Variants in SOX12 observed in about 807,000 individuals in gnomAD.
The protein encoded by SOX12 is SRY-box transcription factor 12, also known as transcription factor SOX-12.
A neutral mutation model predicts 21.5 loss-of-function variants in SOX12; 8 were observed. The ratio of observed to expected loss-of-function variants is 0.37; its 90% CI spans 0.22 to 0.67. SOX12 has a LOEUF of 0.67. SOX12 is among the 30% of genes least tolerant of loss of function. The pLI is 0.56. For synonymous variants in SOX12, 235 were observed against 224.2 expected, an observed-to-expected ratio of 1.05 and a Z score of -0.43; for missense variants, 400 against 482.6, an observed-to-expected ratio of 0.83 and a Z score of 1.60.
rs1201645576 is a variant in SOX12 at position 328,565 on chromosome 20, CAATG to C, written c.*1696_*1699del. On this transcript the variant is annotated 3_prime_UTR_variant, in exon 1 of 1. Coordinates refer to ENST00000342665, the MANE Select transcript of SOX12 (RefSeq NM_006943.4). ...GAAAAACAACAACAACAAAAAAAGA[CAATG>C]AAAAAAAAAACGTCATGTGAGTGAA... The C allele has an allele frequency of 4.5e-4, 63 of 139,648 alleles. No individual in the cohort carries two copies. The highest frequency in any genetic ancestry group is 7.8e-4 in the Non-Finnish European group (48 of 61,276). 8.7% of individuals were successfully genotyped at this position (139,648 alleles called of 1,614,324 possible).
In SOX12 at chr20:330,065, A is replaced by G. The variant is rs537365845; in HGVS notation, c.*3193A>G. 1 of 167,192 alleles carries G rather than the reference A, an allele frequency of 6.0e-6. No homozygotes were observed. Among genetic ancestry groups the G allele is most frequent in the African/African-American group, 2.4e-5 (1 of 41,558 alleles). 10.4% of individuals were successfully genotyped at this position (167,192 alleles called of 1,614,324 possible). ...AAACACCTGGTCATTTCAATCCAAC[A>G]TGGGACGGACACTGACAGACAGTAC... On this transcript the variant is annotated 3_prime_UTR_variant, in exon 1 of 1. Coordinates refer to ENST00000342665, the MANE Select transcript of SOX12 (RefSeq NM_006943.4).
chr20:326,756 C>G lies in SOX12; in HGVS notation c.832C>G (p.Pro278Ala), dbSNP rs777743090. 1.2e-6 allele frequency: 2 copies of G among 1,612,906 alleles called. No homozygotes were observed. Among genetic ancestry groups the G allele is most frequent in the Admixed American group, 1.7e-5 (1 of 59,910 alleles). The change falls in exon 1 of 1, where the codon CCT becomes GCT. Residue 278 changes from proline to alanine, a missense_variant. By Grantham distance (27) the Pro-to-Ala change is conservative. Coordinates refer to ENST00000342665, the MANE Select transcript of SOX12 (RefSeq NM_006943.4). The surrounding 1 kb of genome is among the most constrained non-coding windows in gnomAD (Gnocchi z 9.9). ...CCTGGATCGCGACCCGGACCTGCAG[C>G]CTCCCTCGGGCACGTCGCACTTCGA... Reference protein sequence around the residue: ...SALDRDPDLQPPSGTSHFEFP... With the variant: ...SALDRDPDLQAPSGTSHFEFP...
chr20:325,954 G>GCGGGACGGCGGGCCGCCGCCCCCGGGACC lies in SOX12; in HGVS notation c.35_63dup (p.Pro22ThrfsTer33). The GCGGGACGGCGGGCCGCCGCCCCCGGGACC allele has an allele frequency of 7.4e-7, 1 of 1,343,986 alleles. No individual in the cohort carries two copies. Among genetic ancestry groups the GCGGGACGGCGGGCCGCCGCCCCCGGGACC allele is most frequent in the Non-Finnish European group, 9.5e-7 (1 of 1,048,264 alleles). 83.3% of individuals were successfully genotyped at this position (1,343,986 alleles called of 1,614,324 possible). ...TGCAGCAGCGGGGCGCGAGGGCCAA[G>GCGGGACGGCGGGCCGCCGCCCCCGGGACC]CGGGACGGCGGGCCGCCGCCCCCGG... On this transcript the variant is annotated frameshift_variant, in exon 1 of 1. Coordinates refer to ENST00000342665, the MANE Select transcript of SOX12 (RefSeq NM_006943.4). LOFTEE classifies it high-confidence loss of function. This position sits in a 1 kb window ranked among gnomAD's most constrained non-coding sequence, Gnocchi z 5.0.
In SOX12 at chr20:329,163, T is replaced by C. The variant is rs879705160; in HGVS notation, c.*2291T>C. On this transcript the variant is annotated 3_prime_UTR_variant, in exon 1 of 1. Transcript: ENST00000342665. ...GCAGGTCTGGTCCGAGGGGGCTGGC[T>C]TGGCCATGCCTTTCTGTGCCTTTAA... 4.2e-5 allele frequency: 7 copies of C among 167,136 alleles called. No homozygotes were observed. Among genetic ancestry groups the C allele is most frequent in the Non-Finnish European group, 1.0e-4 (7 of 68,132 alleles). 10.4% of individuals were successfully genotyped at this position (167,136 alleles called of 1,614,324 possible). A position where few individuals can be genotyped will look rare whatever the true frequency, so the allele number is the denominator to read the frequency against.
rs1267213757 is a variant in SOX12, at chr20:327,039, G to A, written c.*167G>A. 6.6e-6 allele frequency: 4 copies of A among 601,674 alleles called. No individual in the cohort carries two copies. In the African/African-American group the frequency reaches 1.2e-4, roughly 19 times the overall value. 37.3% of individuals were successfully genotyped at this position (601,674 alleles called of 1,614,324 possible). A position where few individuals can be genotyped will look rare whatever the true frequency, so the allele number is the denominator to read the frequency against. On this transcript the variant is annotated 3_prime_UTR_variant, in exon 1 of 1. Coordinates refer to ENST00000342665, the MANE Select transcript of SOX12 (RefSeq NM_006943.4). ...GATCCAGACATGCCCCTCCCCCGCA[G>A]ACACACCCCAAGGCAGCCCAACCCC...
At position 327,875 on chromosome 20, in the gene SOX12, C is replaced by T. The variant is rs1470058678; in HGVS notation, c.*1003C>T. 4 of 167,274 alleles carry T rather than the reference C, an allele frequency of 2.4e-5. No homozygotes were observed. The highest frequency in any genetic ancestry group is 5.9e-5 in the Non-Finnish European group (4 of 68,290). The allele number at this position is 167,274 out of a possible 1,614,324, so 10.4% of individuals were successfully genotyped here. ...CACCCCCTCCTGGGAAGTGCCCCCT[C>T]ACCTCAGGGCACCCGCAACCTGGGC... On this transcript the variant is annotated 3_prime_UTR_variant, in exon 1 of 1. Coordinates refer to ENST00000342665, the MANE Select transcript of SOX12 (RefSeq NM_006943.4).
In SOX12 at chr20:328,076, C is replaced by T. The variant is rs577980038; in HGVS notation, c.*1204C>T. The T allele has an allele frequency of 6.0e-6, 1 of 167,242 alleles. No homozygotes were observed. Among genetic ancestry groups the T allele is most frequent in the Admixed American group, 6.5e-5 (1 of 15,310 alleles). 10.4% of individuals were successfully genotyped at this position (167,242 alleles called of 1,614,324 possible). ...TTTTAAACATCTGGTTTGGGAGAGA[C>T]CATCGACTTGGCCAGTGAGACTGAG... is the stretch of plus-strand genomic sequence containing the variant. On this transcript the variant is annotated 3_prime_UTR_variant, in exon 1 of 1. Transcript: ENST00000342665.
chr20:327,238 ATC>A lies in SOX12; in HGVS notation c.*371_*372del. ...GACCCGCCCCCTCCTTTGCTCCGGAATCTCTCCTCCCTCGCCCGGCCCGCCTT... is the reference window on the plus strand; with the variant it reads ...GACCCGCCCCCTCCTTTGCTCCGGAATCTCCTCCCTCGCCCGGCCCGCCTT... On this transcript the variant is annotated 3_prime_UTR_variant, in exon 1 of 1. Coordinates refer to ENST00000342665, the MANE Select transcript of SOX12 (RefSeq NM_006943.4). 4.1e-6 allele frequency: 1 copy of A among 241,632 alleles called. No homozygotes were observed. The highest frequency in any genetic ancestry group is 4.8e-5 in the South Asian group (1 of 20,722). 15.0% of individuals were successfully genotyped at this position (241,632 alleles called of 1,614,324 possible). A position where few individuals can be genotyped will look rare whatever the true frequency, so the allele number is the denominator to read the frequency against.
Position 329,853 on chromosome 20 carries a change from TAAG to T in SOX12, c.*2983_*2985del, listed in dbSNP as rs2013164247. On this transcript the variant is annotated 3_prime_UTR_variant, in exon 1 of 1. Transcript: ENST00000342665. The stretch of plus-strand genomic sequence containing the variant: ...TCTGGTTGAAAGCAAGCTGGCGAAG[TAAG>T]AGGAGGTAGAGTTGAGAAGGTGTGG... The T allele has an allele frequency of 1.8e-5, 3 of 167,014 alleles. No individual in the cohort carries two copies. The highest frequency in any genetic ancestry group is 2.4e-5 in the African/African-American group (1 of 41,420). 10.3% of individuals were successfully genotyped at this position (167,014 alleles called of 1,614,324 possible). A position where few individuals can be genotyped will look rare whatever the true frequency, so the allele number is the denominator to read the frequency against.
At position 329,097 on chromosome 20, in the gene SOX12, T is replaced by C. The variant is rs1010975584; in HGVS notation, c.*2225T>C. 1.2e-5 allele frequency: 2 copies of C among 165,846 alleles called. No individual in the cohort carries two copies. Among genetic ancestry groups the C allele is most frequent in the African/African-American group, 2.5e-5 (1 of 40,558 alleles). 10.3% of individuals were successfully genotyped at this position (165,846 alleles called of 1,614,324 possible). ...CATCTTAATTTCAAAATGAGACTCATATTTTAAAATTTCTGTGGGCCAAAT... is the reference window on the plus strand; with the variant it reads ...CATCTTAATTTCAAAATGAGACTCACATTTTAAAATTTCTGTGGGCCAAAT... On this transcript the variant is annotated 3_prime_UTR_variant, in exon 1 of 1. Coordinates refer to ENST00000342665, the MANE Select transcript of SOX12 (RefSeq NM_006943.4).
chr20:325,862 C>T lies in SOX12; in HGVS notation c.-63C>T. ...TCCGTCGCCGCTGCCTCCTCCCCCA[C>T]CCCCAGCCGCGGAGGATGCGGACGG... On this transcript the variant is annotated 5_prime_UTR_variant, in exon 1 of 1. Coordinates refer to ENST00000342665, the MANE Select transcript of SOX12 (RefSeq NM_006943.4). This position sits in a 1 kb window ranked among gnomAD's most constrained non-coding sequence, Gnocchi z 5.0. The T allele has an allele frequency of 1.0e-6, 1 of 988,844 alleles. No homozygotes were observed. Among genetic ancestry groups the T allele is most frequent in the Non-Finnish European group, 1.2e-6 (1 of 821,254 alleles). 61.3% of individuals were successfully genotyped at this position (988,844 alleles called of 1,614,324 possible). A position where few individuals can be genotyped will look rare whatever the true frequency, so the allele number is the denominator to read the frequency against.
Position 327,149 on chromosome 20 carries a change from C to A in SOX12, c.*277C>A. 1.9e-6 allele frequency: 1 copy of A among 523,616 alleles called. No individual in the cohort carries two copies. The highest frequency in any genetic ancestry group is 2.0e-5 in the South Asian group (1 of 48,796). 32.4% of individuals were successfully genotyped at this position (523,616 alleles called of 1,614,324 possible). A position where few individuals can be genotyped will look rare whatever the true frequency, so the allele number is the denominator to read the frequency against. On this transcript the variant is annotated 3_prime_UTR_variant, in exon 1 of 1. Coordinates refer to ENST00000342665, the MANE Select transcript of SOX12 (RefSeq NM_006943.4). ...CAGCCAGCCCCCTCCGATACACCTC[C>A]CGTCCTCTCCTACAGACCTGCACCC...
Position 326,230 on chromosome 20 carries a change from G to A in SOX12, c.306G>A (p.Ala102=). Residue 102 remains alanine, a synonymous_variant, in exon 1 of 1, where the codon GCG becomes GCA. Coordinates refer to ENST00000342665, the MANE Select transcript of SOX12 (RefSeq NM_006943.4). This position sits in a 1 kb window ranked among gnomAD's most constrained non-coding sequence, Gnocchi z 9.9. The part of the protein sequence containing the change: ...EAERLRLKHM[A]DYPDYKYRPR... Reference sequence around the variant, plus strand: ...AGCGGCTGCGGCTCAAGCACATGGCGGATTACCCGGACTACAAGTACCGGC... The same window carrying A: ...AGCGGCTGCGGCTCAAGCACATGGCAGATTACCCGGACTACAAGTACCGGC... 6.3e-7 allele frequency: 1 copy of A among 1,582,344 alleles called. No individual in the cohort carries two copies.
chr20:326,557 G>GGCCGCC lies in SOX12; in HGVS notation c.646_651dup (p.Ala216_Ala217dup), dbSNP rs374987024. 2,082 of 1,515,682 alleles carry GGCCGCC rather than the reference G, an allele frequency of 1.4e-3. 1 individual carries two copies. The highest frequency in any genetic ancestry group is 1.7e-3 in the Non-Finnish European group (1,940 of 1,138,010). 93.9% of individuals were successfully genotyped at this position (1,515,682 alleles called of 1,614,324 possible). A position where few individuals can be genotyped will look rare whatever the true frequency, so the allele number is the denominator to read the frequency against. Reference sequence around the variant, plus strand: ...CCCAAGGGCCGTCGGGCGAGGGGGCGGCCGCCGCCGCCGCCGCCTCCCCGA... The same window carrying GGCCGCC: ...CCCAAGGGCCGTCGGGCGAGGGGGCGGCCGCCGCCGCCGCCGCCGCCGCCTCCCCGA... On this transcript the variant is annotated inframe_insertion, in exon 1 of 1. Transcript: ENST00000342665. This position sits in a 1 kb window ranked among gnomAD's most constrained non-coding sequence, Gnocchi z 9.9.
chr20:327,835 C>T lies in SOX12; in HGVS notation c.*963C>T, dbSNP rs2013129238. On this transcript the variant is annotated 3_prime_UTR_variant, in exon 1 of 1. Coordinates refer to ENST00000342665, the MANE Select transcript of SOX12 (RefSeq NM_006943.4). ...ACCAGTCTGTCTGGGGACAGGATCCCTGCTGCACCTTCCCCACCCCCTCCT... is the reference window on the plus strand; with the variant it reads ...ACCAGTCTGTCTGGGGACAGGATCCTTGCTGCACCTTCCCCACCCCCTCCT... 6.0e-6 allele frequency: 1 copy of T among 167,216 alleles called. No homozygotes were observed. Among genetic ancestry groups the T allele is most frequent in the Non-Finnish European group, 1.5e-5 (1 of 68,240 alleles). 10.4% of individuals were successfully genotyped at this position (167,216 alleles called of 1,614,324 possible). A position where few individuals can be genotyped will look rare whatever the true frequency, so the allele number is the denominator to read the frequency against.
In SOX12 at chr20:327,549, A is replaced by G. The variant is rs1047507; in HGVS notation, c.*677A>G. 0.13 allele frequency: 20,908 copies of G among 167,106 alleles called. 2,536 individuals are homozygous for G. The highest frequency in any genetic ancestry group is 0.33 in the African/African-American group (13,745 of 41,424). The allele number at this position is 167,106 out of a possible 1,614,324, so 10.4% of individuals were successfully genotyped here. A position where few individuals can be genotyped will look rare whatever the true frequency, so the allele number is the denominator to read the frequency against. ...GAGCCCTAGGTTTCCTCTCCAGCCA[A>G]CGGGGCGTCGCTGCCTTAATGGGAG... On this transcript the variant is annotated 3_prime_UTR_variant, in exon 1 of 1. Transcript: ENST00000342665.
At position 326,089 on chromosome 20, in the gene SOX12, G is replaced by A. The variant is rs73071018; in HGVS notation, c.165G>A (p.Arg55=). The A allele has an allele frequency of 0.021, 33,589 of 1,602,326 alleles. 449 individuals carry two copies. Among genetic ancestry groups the A allele is most frequent in the Non-Finnish European group, 0.024 (28,371 of 1,174,940 alleles). ...NAFMVWSQHE[R]RKIMDQWPDM... ...TCATGGTGTGGTCGCAGCACGAACG[G>A]CGGAAGATCATGGACCAGTGGCCCG... The change falls in exon 1 of 1, where the codon CGG becomes CGA. Residue 55 remains arginine (R), a synonymous_variant. Coordinates refer to ENST00000342665, the MANE Select transcript of SOX12 (RefSeq NM_006943.4). This position sits in a 1 kb window ranked among gnomAD's most constrained non-coding sequence, Gnocchi z 9.9.
In SOX12 at chr20:327,065, C is replaced by A; in HGVS notation, c.*193C>A. On this transcript the variant is annotated 3_prime_UTR_variant, in exon 1 of 1. Transcript: ENST00000342665. ...ACACACCCCAAGGCAGCCCAACCCCCACCCCTTCCCCGACACCCAAGCCCC... is the reference window on the plus strand; with the variant it reads ...ACACACCCCAAGGCAGCCCAACCCCAACCCCTTCCCCGACACCCAAGCCCC... The A allele has an allele frequency of 1.6e-6, 1 of 617,476 alleles. No homozygotes were observed. Among genetic ancestry groups the A allele is most frequent in the East Asian group, 2.8e-5 (1 of 35,792 alleles). The allele number at this position is 617,476 out of a possible 1,614,324, so 38.2% of individuals were successfully genotyped here. A position where few individuals can be genotyped will look rare whatever the true frequency, so the allele number is the denominator to read the frequency against.
chr20:325,877 G>A lies in SOX12; in HGVS notation c.-48G>A. The A allele has an allele frequency of 3.8e-6, 4 of 1,046,786 alleles. No homozygotes were observed. Among genetic ancestry groups the A allele is most frequent in the Non-Finnish European group, 4.6e-6 (4 of 870,094 alleles). 64.8% of individuals were successfully genotyped at this position (1,046,786 alleles called of 1,614,324 possible). A position where few individuals can be genotyped will look rare whatever the true frequency, so the allele number is the denominator to read the frequency against. On this transcript the variant is annotated 5_prime_UTR_variant, in exon 1 of 1. Coordinates refer to ENST00000342665, the MANE Select transcript of SOX12 (RefSeq NM_006943.4). The surrounding 1 kb of genome is among the most constrained non-coding windows in gnomAD (Gnocchi z 5.0). ...TCCTCCCCCACCCCCAGCCGCGGAGGATGCGGACGGCCCCCGGCGGCGTCT... is the reference window on the plus strand; with the variant it reads ...TCCTCCCCCACCCCCAGCCGCGGAGAATGCGGACGGCCCCCGGCGGCGTCT...
Sources: gnomAD v4.1 joint callset for allele counts on GRCh38, gnomAD v4.1.1 for gene constraint, Gnocchi (gnomAD v3.1) non-coding constraint, MANE v1.5 for transcripts, NCBI Gene and HGNC (gene_info 2026-07-23, HGNC 2026-07-21) for gene names.